ZNF326: variants seen among roughly 807,000 people sequenced by gnomAD.
ZNF326 encodes the protein DBIRD complex subunit ZNF326.
Under a neutral mutation model 63.1 loss-of-function variants are expected in ZNF326, and 30 were observed. The ratio of observed to expected loss-of-function variants is 0.48; its 90% CI spans 0.36 to 0.64. The LOEUF (loss-of-function observed/expected upper bound fraction) is 0.64. Ranked by LOEUF, ZNF326 falls within the 30% of genes least tolerant of loss-of-function variation. The pLI is 0.00. For synonymous variants in ZNF326, 194 were observed against 228.2 expected (o/e 0.85, Z 1.35); for missense variants, 609 against 720.3 (o/e 0.85, Z 1.77).
intron 11 of ZNF326, 143 bp downstream of exon 11, chr1:90,022,488 C>G: frequency 1.6e-6 from 1 of 624,662 alleles, no homozygotes; most frequent in Non-Finnish European, 2.8e-6. Context: ...ATAGGTAAAA[C>G]ATCTTTTTTC....
At position 90,032,505 on chromosome 1, in the gene ZNF326, T is replaced by C. The variant is rs1186971955; in HGVS notation, c.*4804T>C. 2 of 152,162 alleles carry C rather than the reference T, an allele frequency of 1.3e-5. No homozygotes were observed. The highest frequency in any genetic ancestry group is 3.8e-4 in the East Asian group (2 of 5,196). 9.4% of individuals were successfully genotyped at this position (152,162 alleles called of 1,614,324 possible). ...TATTAAAATTGTAGAGGAGATACAA[T>C]AATACAAATTTCAGCAATAAGGATA... On this transcript the variant is annotated 3_prime_UTR_variant, in exon 12 of 12. Transcript: ENST00000340281.
intron 9 of ZNF326, 24 bp downstream of exon 9, chr1:90,018,808 T>C (rs1228065596): frequency 2.2e-6 from 3 of 1,374,262 alleles, no homozygotes; most frequent in Non-Finnish European, 3.0e-6. Context: ...ACAAATTATT[T>C]TAAAATTCTA....
At chr1:89,995,448 C>G (rs370930302) in intron 1 of ZNF326, among the ~76,000 whole-genome samples, 175 bp downstream of exon 1, 2 of 152,230 alleles carry the variant, frequency 1.3e-5, no homozygotes, top group East Asian at 1.9e-4. Flanking sequence ...CCACGCGCCC[C>G]GATTCGGCCC....
intron 4 of ZNF326, among the ~76,000 whole-genome samples, chr1:90,006,971 A>G (rs889609320): frequency 6.6e-6 from 1 of 152,212 alleles, no homozygotes; most frequent in African/African-American, 2.4e-5. Flanking sequence ...TTTTAATATT[A>G]GGGATAGATT....
At position 90,031,263 on chromosome 1, in the gene ZNF326, A is replaced by G. The variant is rs1650258831; in HGVS notation, c.*3562A>G. 2 of 152,206 alleles carry G rather than the reference A, an allele frequency of 1.3e-5. No individual in the cohort carries two copies. The highest frequency in any genetic ancestry group is 2.9e-5 in the Non-Finnish European group (2 of 68,044). 9.4% of individuals were successfully genotyped at this position (152,206 alleles called of 1,614,324 possible). A position where few individuals can be genotyped will look rare whatever the true frequency, so the allele number is the denominator to read the frequency against. On this transcript the variant is annotated 3_prime_UTR_variant, in exon 12 of 12. Coordinates refer to ENST00000340281, the MANE Select transcript of ZNF326 (RefSeq NM_182976.4). The stretch of plus-strand genomic sequence containing the variant: ...AGTTAGTAGGAGTAGTAATTTTCCC[A>G]TATAATAAGCCCACTCTTGTACATG...
Position 90,013,195 on chromosome 1 carries a change from G to A in ZNF326, c.884G>A (p.Arg295His), listed in dbSNP as rs181139290. The A allele has an allele frequency of 3.7e-6, 6 of 1,609,766 alleles. No individual in the cohort carries two copies. Among genetic ancestry groups the A allele is most frequent in the African/African-American group, 2.7e-5 (2 of 74,818 alleles). ...GAGGCTCGGCGAGAGAAACAAAGGC[G>A]CAGAAGAGAAAAAAACAGTGAGAAA... is the stretch of plus-strand genomic sequence containing the variant. Reference protein sequence around the residue: ...RIEARREKQRRRREKNSEKYG... With the variant: ...RIEARREKQRHRREKNSEKYG... The change falls in exon 7 of 12, where the codon CGC becomes CAC. Residue 295 changes from arginine to histidine, a missense_variant. Around this residue, in one of 3 missense-constraint regions of ZNF326, gnomAD observed 399 missense variants for 444.3 expected, o/e 0.90. Coordinates refer to ENST00000340281, the MANE Select transcript of ZNF326 (RefSeq NM_182976.4).
At chr1:90,022,890 A>G (rs1216901170) in intron 11 of ZNF326, among the ~76,000 whole-genome samples, 1 of 152,214 alleles carries the variant, frequency 6.6e-6, no homozygotes, top group Non-Finnish European at 1.5e-5. Context: ...AATTGCATAA[A>G]TCATTCCTTT....
intron 11 of ZNF326, 85 bp from the exon 12 acceptor site, chr1:90,027,269 C>T: frequency 7.8e-7 from 1 of 1,278,544 alleles, no homozygotes; most frequent in Non-Finnish European, 1.1e-6. Flanking sequence ...ATTTATTTCT[C>T]ATGATATGGC....
chr1:90,027,285 A>G (rs1650054242), intron 11 of ZNF326, 69 bp from the exon 12 acceptor site: 1 of 1,474,146 alleles, frequency 6.8e-7, no homozygotes, highest in Admixed American at 2.1e-5. Flanking sequence ...ATGGCAAGTA[A>G]AAATTTCACT....
At chr1:90,003,905 TATATG>T (rs1243617215) in intron 2 of ZNF326, among the ~76,000 whole-genome samples, 1 of 152,112 alleles carries the variant, frequency 6.6e-6, no homozygotes, top group Non-Finnish European at 1.5e-5. Flanking sequence ...CTAGAGATAT[TATATG>T]ATTATATAAA....
At position 90,033,730 on chromosome 1, in the gene ZNF326, T is replaced by C. The variant is rs1650372439; in HGVS notation, c.*6029T>C. The C allele has an allele frequency of 6.6e-6, 1 of 152,122 alleles. No homozygotes were observed. Among genetic ancestry groups the C allele is most frequent in the South Asian group, 2.1e-4 (1 of 4,828 alleles). The allele number at this position is 152,122 out of a possible 1,614,324, so 9.4% of individuals were successfully genotyped here. A position where few individuals can be genotyped will look rare whatever the true frequency, so the allele number is the denominator to read the frequency against. On this transcript the variant is annotated 3_prime_UTR_variant, in exon 12 of 12. Transcript: ENST00000340281. ...ACAGTAAAAGACATAGATGTATCTCTTAAAGACATAGAAAACCCAGAACAC... is the reference window on the plus strand; with the variant it reads ...ACAGTAAAAGACATAGATGTATCTCCTAAAGACATAGAAAACCCAGAACAC...
rs966870457 is a variant in ZNF326, at chr1:90,034,709, CTTTAT to C, written c.*7016_*7020del. On this transcript the variant is annotated 3_prime_UTR_variant, in exon 12 of 12. Coordinates refer to ENST00000340281, the MANE Select transcript of ZNF326 (RefSeq NM_182976.4). ...GAAATAAAAACTTATGAAAGAGAAT[CTTTAT>C]TTTATTTAAGCAGTTCTAGATTATA... The C allele has an allele frequency of 2.0e-4, 30 of 152,162 alleles. No homozygotes were observed. Among genetic ancestry groups the C allele is most frequent in the South Asian group, 1.7e-3 (8 of 4,824 alleles). 9.4% of individuals were successfully genotyped at this position (152,162 alleles called of 1,614,324 possible). A position where few individuals can be genotyped will look rare whatever the true frequency, so the allele number is the denominator to read the frequency against.
At chr1:90,004,670 G>T (rs1648869787) in intron 2 of ZNF326, among the ~76,000 whole-genome samples, 1 of 152,036 alleles carries the variant, frequency 6.6e-6, no homozygotes, top group Admixed American at 6.6e-5. Flanking sequence ...GGGCAACACG[G>T]TGAAAGCCCA....
Position 90,013,139 on chromosome 1 carries a change from T to C in ZNF326, c.828T>C (p.Pro276=). ...SLSKSPTKTD[P]KNEEEEKRRI... is the part of the protein sequence containing the mutation. ...GTAATATCCTAGCAAAAACTGATCC[T>C]AAAAATGAAGAGGAAGAAAAGCGGC... The change falls in exon 7 of 12, where the codon CCT becomes CCC. Residue 276 remains proline (P), a synonymous_variant. Transcript: ENST00000340281. The C allele has an allele frequency of 6.2e-7, 1 of 1,610,310 alleles. No homozygotes were observed. Among genetic ancestry groups the C allele is most frequent in the Non-Finnish European group, 8.5e-7 (1 of 1,178,844 alleles).
At chr1:90,020,670 T>C (rs1438627674) in intron 9 of ZNF326, 122 bp from the exon 10 acceptor site, 14 of 884,050 alleles carry the variant, frequency 1.6e-5, no homozygotes, top group Middle Eastern at 3.5e-4. Context: ...CATAAACCTA[T>C]GCACTCTGAT....
rs1342533165 is a variant in ZNF326, at chr1:90,035,119, G to C, written c.*7418G>C. 2 of 152,208 alleles carry C rather than the reference G, an allele frequency of 1.3e-5. No individual in the cohort carries two copies. Among genetic ancestry groups the C allele is most frequent in the Admixed American group, 1.3e-4 (2 of 15,282 alleles). The allele number at this position is 152,208 out of a possible 1,614,324, so 9.4% of individuals were successfully genotyped here. Reference sequence around the variant, plus strand: ...TGTAACTTGGCTAAGGACTAGGAAGGTCTTCCAGAAAGCTTCATCAAACAT... The same window carrying C: ...TGTAACTTGGCTAAGGACTAGGAAGCTCTTCCAGAAAGCTTCATCAAACAT... On this transcript the variant is annotated 3_prime_UTR_variant, in exon 12 of 12. Coordinates refer to ENST00000340281, the MANE Select transcript of ZNF326 (RefSeq NM_182976.4).
chr1:90,022,109 A>C (rs191643136), intron 10 of ZNF326, 141 bp from the exon 11 acceptor site: 15 of 622,852 alleles, frequency 2.4e-5, no homozygotes, highest in Admixed American at 1.7e-4. Context: ...CTGTGGTTAT[A>C]GTAGTTGCTA....
chr1:90,017,340 G>T lies in ZNF326; in HGVS notation c.950G>T (p.Cys317Phe), dbSNP rs1649546926. 6.3e-7 allele frequency: 1 copy of T among 1,596,634 alleles called. No homozygotes were observed. The highest frequency in any genetic ancestry group is 8.5e-7 in the Non-Finnish European group (1 of 1,174,464). ...GYRMAFTCSFCKFRTFEEKDI... is the reference protein window; with the variant it reads ...GYRMAFTCSFFKFRTFEEKDI... Reference sequence around the variant, plus strand: ...AGAATGGCATTTACATGTTCATTTTGTAAATTTCGAACATTTGAAGAAAAA... The same window carrying T: ...AGAATGGCATTTACATGTTCATTTTTTAAATTTCGAACATTTGAAGAAAAA... The change falls in exon 8 of 12, where the codon TGT becomes TTT. Residue 317 changes from cysteine (C) to phenylalanine (F), a missense_variant. This residue lies in a region of ZNF326 where 399 missense variants were observed against 444.3 expected (regional missense o/e 0.90). Transcript: ENST00000340281.
At position 90,032,158 on chromosome 1, in the gene ZNF326, C is replaced by G. The variant is rs115453640; in HGVS notation, c.*4457C>G. ...ACTAGTCTAATCTCTTCTTGACTTT[C>G]CCTTCTTCTTTCCCAGTCCTCTAAT... On this transcript the variant is annotated 3_prime_UTR_variant, in exon 12 of 12. Coordinates refer to ENST00000340281, the MANE Select transcript of ZNF326 (RefSeq NM_182976.4). The G allele has an allele frequency of 1.3e-5, 2 of 152,188 alleles. No individual in the cohort carries two copies. Among genetic ancestry groups the G allele is most frequent in the African/African-American group, 4.8e-5 (2 of 41,432 alleles). The allele number at this position is 152,188 out of a possible 1,614,324, so 9.4% of individuals were successfully genotyped here.
Sources: allele counts gnomAD v4.1 joint callset (sites outside exome capture counted in the v4.1 genomes callset), GRCh38; gene constraint gnomAD v4.1.1; regional missense constraint gnomAD v4.1.1; transcripts MANE v1.5; gene names NCBI Gene and HGNC (gene_info 2026-07-23, HGNC 2026-07-21).